HAS3: variants seen among roughly 807,000 people sequenced by gnomAD.
The protein encoded by HAS3 is hyaluronan synthase 3.
A neutral mutation model predicts 50.3 loss-of-function variants in HAS3; 27 were observed. The ratio of observed to expected loss-of-function variants is 0.54; its 90% CI spans 0.40 to 0.74. The LOEUF (loss-of-function observed/expected upper bound fraction) is 0.74. Among genes scored for constraint, HAS3 ranks in the 30% least tolerant of loss-of-function variants. The pLI is 0.00. For missense variants in HAS3, 517 were observed against 742.8 expected (o/e 0.70, Z 3.53); for synonymous variants, 339 against 310.9 (o/e 1.09, Z -0.95).
In HAS3 at chr16:69,114,468, C is replaced by T; in HGVS notation, c.864C>T (p.Gly288=). The T allele has an allele frequency of 1.9e-6, 3 of 1,613,970 alleles. No individual in the cohort carries two copies. Among genetic ancestry groups the T allele is most frequent in the Non-Finnish European group, 2.5e-6 (3 of 1,179,922 alleles). ...GCVQCISGPL[G]MYRNSLLQQF... Reference sequence around the variant, plus strand: ...TGCAGTGTATTAGTGGGCCCTTGGGCATGTACCGCAACAGCCTCCTCCAGC... The same window carrying T: ...TGCAGTGTATTAGTGGGCCCTTGGGTATGTACCGCAACAGCCTCCTCCAGC... Residue 288 remains glycine (G), a synonymous_variant, in exon 4 of 4, where the codon GGC becomes GGT. Coordinates refer to ENST00000569188, the MANE Select transcript of HAS3 (RefSeq NM_001199280.2). This position sits in a 1 kb window ranked among gnomAD's most constrained non-coding sequence, Gnocchi z 6.4.
At chr16:69,088,866 G>A in the HAS3 span, among the ~76,000 whole-genome samples, 1 of 152,106 alleles carries the variant, frequency 6.6e-6, no homozygotes, top group African/African-American at 2.4e-5. Context: ...AGGCAGCAGT[G>A]AGCTGTGACT....
rs1471669351 is a variant in HAS3 at position 69,114,055 on chromosome 16, C to T, written c.739-288C>T. Among the ~76,000 whole-genome samples the T allele has an allele frequency of 1.3e-5, 2 of 152,242 alleles. No individual in the cohort carries two copies. Among genetic ancestry groups the T allele is most frequent in the African/African-American group, 4.8e-5 (2 of 41,456 alleles). On this transcript the variant is annotated intron_variant, in intron 3 of 3. Transcript: ENST00000569188. This position sits in a 1 kb window ranked among gnomAD's most constrained non-coding sequence, Gnocchi z 6.4. ...TCCCAAGCCCCCTTCTCTGCCACCA[C>T]CACAGGCTGCCTCCTGAGACCGAAG...
intron 2 of HAS3, 152 bp downstream of exon 2, chr16:69,110,183 G>A (rs1960953444): frequency 5.4e-6 from 4 of 743,818 alleles, no homozygotes; most frequent in Admixed American, 5.9e-5. Flanking sequence ...CGGGCGCGGT[G>A]GCTCACGCCT....
Position 69,108,999 on chromosome 16 carries a change from C to G in HAS3, c.1-397C>G, listed in dbSNP as rs1960904431. ...CCCAGAGCTGCCTCAGGCTCACCCC[C>G]TTGAAGCTTACCTCTTCAGCGCTTT... On this transcript the variant is annotated intron_variant, in intron 1 of 3. Coordinates refer to ENST00000569188, the MANE Select transcript of HAS3 (RefSeq NM_001199280.2). Among the ~76,000 whole-genome samples the G allele has an allele frequency of 2.0e-5, 3 of 152,334 alleles. No individual in the cohort carries two copies. In the South Asian group the frequency reaches 6.2e-4, roughly 32 times the overall value.
Position 69,109,888 on chromosome 16 carries a change from G to T in HAS3, c.493G>T (p.Ala165Ser), listed in dbSNP as rs1303382071. Residue 165 changes from alanine (A) to serine (S), a missense_variant, in exon 2 of 4, where the codon GCC (alanine) becomes TCC (serine). Coordinates refer to ENST00000569188, the MANE Select transcript of HAS3 (RefSeq NM_001199280.2). This position sits in a 1 kb window ranked among gnomAD's most constrained non-coding sequence, Gnocchi z 5.3. ...FHEAGEGETE[A>S]SLQEGMDRVR... ...TGAGGCAGGCGAGGGTGAGACGGAG[G>T]CCAGCCTGCAGGAGGGCATGGACCG... The T allele has an allele frequency of 1.2e-6, 2 of 1,613,892 alleles. No individual in the cohort carries two copies. The highest frequency in any genetic ancestry group is 2.2e-5 in the South Asian group (2 of 91,092).
At chr16:69,086,301 TGGGACCACAG>T in the HAS3 span, among the ~76,000 whole-genome samples, 1 of 152,010 alleles carries the variant, frequency 6.6e-6, no homozygotes, top group Non-Finnish European at 1.5e-5. Context: ...CCCAAGTAGC[TGGGACCACAG>T]GTGTGCACTA....
upstream of HAS3, among the ~76,000 whole-genome samples, chr16:69,102,896 C>T (rs1208466122): frequency 6.6e-6 from 1 of 152,172 alleles, no homozygotes; most frequent in African/African-American, 2.4e-5. Context: ...GGAAGGGATC[C>T]TTCCAAACTG....
chr16:69,099,764 T>A, the HAS3 span, among the ~76,000 whole-genome samples: 1 of 152,176 alleles, frequency 6.6e-6, no homozygotes, highest in Non-Finnish European at 1.5e-5. Flanking sequence ...CGTGTTTTTT[T>A]AGTAGCTGCA....
chr16:69,090,966 T>C, the HAS3 span, among the ~76,000 whole-genome samples: 2 of 152,316 alleles, frequency 1.3e-5, no homozygotes, highest in African/African-American at 4.8e-5. Context: ...GGCAAATTAC[T>C]TGCCCAGATT....
the HAS3 span, among the ~76,000 whole-genome samples, chr16:69,090,620 T>G: frequency 6.6e-6 from 1 of 151,990 alleles, no homozygotes; most frequent in Admixed American, 6.6e-5. Context: ...CAGGCTGGAG[T>G]GCAGTGGTGC....
In HAS3 at chr16:69,109,825, G is replaced by T; in HGVS notation, c.430G>T (p.Glu144Ter). 6.2e-7 allele frequency: 1 copy of T among 1,612,734 alleles called. No individual in the cohort carries two copies. The highest frequency in any genetic ancestry group is 8.5e-7 in the Non-Finnish European group (1 of 1,180,012). The change falls in exon 2 of 4, where the codon GAG becomes TAG. Residue 144 changes from glutamate (E) to a stop codon, truncating the protein, a stop_gained. Transcript: ENST00000569188. LOFTEE classifies it high-confidence loss of function. The surrounding 1 kb of genome is among the most constrained non-coding windows in gnomAD (Gnocchi z 5.3). ...DIFHEVLGGT[E>*]QAGFFVWRSN... The stretch of plus-strand genomic sequence containing the variant: ...CTTCCACGAGGTGCTGGGCGGCACC[G>T]AGCAGGCCGGCTTCTTTGTGTGGCG...
At position 69,113,458 on chromosome 16, in the gene HAS3, T is replaced by C. The variant is rs772812412; in HGVS notation, c.654T>C (p.Thr218=). Residue 218 remains threonine (T), a synonymous_variant, in exon 3 of 4, where the codon ACT becomes ACC. Transcript: ENST00000569188. ...CTCTGCAGGTGTGCGACTCTGACAC[T>C]GTGCTGGATCCAGCCTGCACCATCG... is the stretch of plus-strand genomic sequence containing the variant. ...VDYIQVCDSD[T]VLDPACTIEM... The C allele has an allele frequency of 6.2e-6, 10 of 1,613,436 alleles. No individual in the cohort carries two copies. The East Asian group carries it at 2.2e-4, about 36-fold the overall frequency.
the HAS3 span, among the ~76,000 whole-genome samples, chr16:69,093,523 C>CTTTT: frequency 1.8e-4 from 16 of 87,452 alleles, no homozygotes; most frequent in African/African-American, 2.8e-4. Flanking sequence ...TACAGTGTAT[C>CTTTT]TTTTTTTTTT....
chr16:69,116,601 C>G lies in HAS3; in HGVS notation c.*1335C>G, dbSNP rs1160034684. 1.0e-6 allele frequency: 1 copy of G among 985,484 alleles called. No individual in the cohort carries two copies. Among genetic ancestry groups the G allele is most frequent in the Non-Finnish European group, 1.2e-6 (1 of 829,938 alleles). 61.0% of individuals were successfully genotyped at this position (985,484 alleles called of 1,614,324 possible). A position where few individuals can be genotyped will look rare whatever the true frequency, so the allele number is the denominator to read the frequency against. On this transcript the variant is annotated 3_prime_UTR_variant, in exon 4 of 4. Transcript: ENST00000569188. ...TGACAGTCACTGCATTTGCCTGCTT[C>G]TTTCCAGAAACCAAACTAGGAGATG...
At chr16:69,111,408 C>T (rs948941752) in intron 2 of HAS3, among the ~76,000 whole-genome samples, 10 of 152,150 alleles carry the variant, frequency 6.6e-5, no homozygotes, top group Admixed American at 6.5e-4. Flanking sequence ...TGCTGCCTCT[C>T]TTCCTGACTC....
rs979324690 is a variant in HAS3, at chr16:69,107,977, T to G, written c.1-1419T>G. Reference sequence around the variant, plus strand: ...GCAGTGACTGCGTGTTCTTCGTCCCTTCTACGTGAGAGGCGTCCCGACAGG... The same window carrying G: ...GCAGTGACTGCGTGTTCTTCGTCCCGTCTACGTGAGAGGCGTCCCGACAGG... On this transcript the variant is annotated intron_variant, in intron 1 of 3. Coordinates refer to ENST00000569188, the MANE Select transcript of HAS3 (RefSeq NM_001199280.2). This position sits in a 1 kb window ranked among gnomAD's most constrained non-coding sequence, Gnocchi z 5.5. Among the ~76,000 whole-genome samples the G allele has an allele frequency of 8.5e-5, 13 of 152,236 alleles. No homozygotes were observed. Among genetic ancestry groups the G allele is most frequent in the African/African-American group, 2.9e-4 (12 of 41,468 alleles).
chr16:69,101,443 G>A (rs954754683), upstream of HAS3, among the ~76,000 whole-genome samples: 1 of 152,018 alleles, frequency 6.6e-6, no homozygotes, highest in African/African-American at 2.4e-5. Context: ...TGGGATTACA[G>A]GCATGTGCCA....
In HAS3 at chr16:69,109,093, T is replaced by C. The variant is rs1392843965; in HGVS notation, c.1-303T>C. Among the ~76,000 whole-genome samples, 2 of 152,208 alleles carry C rather than the reference T, an allele frequency of 1.3e-5. No homozygotes were observed. The highest frequency in any genetic ancestry group is 4.8e-5 in the African/African-American group (2 of 41,452). On this transcript the variant is annotated intron_variant, in intron 1 of 3. Coordinates refer to ENST00000569188, the MANE Select transcript of HAS3 (RefSeq NM_001199280.2). This position sits in a 1 kb window ranked among gnomAD's most constrained non-coding sequence, Gnocchi z 5.3. The stretch of plus-strand genomic sequence containing the variant: ...ACGTGACCCTCTGGGCCTTGGCTTG[T>C]CTACCCCAGTGCTACACTAAGGGCT...
chr16:69,094,081 T>A, the HAS3 span, among the ~76,000 whole-genome samples: 32 of 151,626 alleles, frequency 2.1e-4, no homozygotes, highest in Admixed American at 3.9e-4. Flanking sequence ...CAGGAGAGAG[T>A]GGTTTGCAGA....
Sources: gnomAD v4.1 joint callset for allele counts (sites outside exome capture counted in the v4.1 genomes callset) on GRCh38, gnomAD v4.1.1 for gene constraint, Gnocchi (gnomAD v3.1) non-coding constraint, MANE v1.5 for transcripts, NCBI Gene and HGNC (gene_info 2026-07-23, HGNC 2026-07-21) for gene names.